The following TMEM222 variants were observed in gnomAD, a reference collection of about 807,000 sequenced individuals.
TMEM222 encodes the protein transmembrane protein 222, also known as chromosome 1 open reading frame 160.
TMEM222 carries 18 observed loss-of-function variants against 25.1 expected under a neutral mutation model. The ratio of observed to expected loss-of-function variants is 0.72; its 90% confidence interval spans 0.50 to 1.06. The LOEUF (loss-of-function observed/expected upper bound fraction) is 1.06, where lower values mean the gene tolerates loss of function less well. Ranked by LOEUF, TMEM222 falls within the 50% of genes least tolerant of loss-of-function variation. TMEM222 has a pLI of 0.00. For synonymous variants in TMEM222, 131 were observed against 117.9 expected (o/e 1.11, Z -0.72); for missense variants, 296 against 293.7 (o/e 1.01, Z -0.06).
In TMEM222 at chr1:27,335,552, C is replaced by G; in HGVS notation, c.*86C>G. On this transcript the variant is annotated 3_prime_UTR_variant, in exon 6 of 6. Transcript: ENST00000374076. ...GTTCCAGATTTTTTTCTCCTCACCC[C>G]AAAAGGCAGGGTTGGGCCTGCTGTT... 1 of 1,383,746 alleles carries G rather than the reference C, an allele frequency of 7.2e-7. No homozygotes were observed. The highest frequency in any genetic ancestry group is 1.0e-6 in the Non-Finnish European group (1 of 984,166). The allele number at this position is 1,383,746 out of a possible 1,614,324, so 85.7% of individuals were successfully genotyped here.
At chr1:27,326,815 G>A (rs192019939) in intron 1 of TMEM222, among the ~76,000 whole-genome samples, 259 of 152,114 alleles carry the variant, frequency 1.7e-3, no homozygotes, top group Non-Finnish European at 2.8e-3. Context: ...TATGTACTAG[G>A]TCCTGAATAG....
At chr1:27,327,765 C>G (rs1401050245) in intron 1 of TMEM222, among the ~76,000 whole-genome samples, 3 of 152,128 alleles carry the variant, frequency 2.0e-5, no homozygotes, top group Non-Finnish European at 4.4e-5. Flanking sequence ...TCAAGTGATC[C>G]TCCAGCTAAT....
At position 27,332,150 on chromosome 1, in the gene TMEM222, G is replaced by A. The variant is rs1310743157; in HGVS notation, c.311+49G>A. 4 of 1,611,736 alleles carry A rather than the reference G, an allele frequency of 2.5e-6. No homozygotes were observed. In the African/African-American group the frequency reaches 5.3e-5, roughly 22 times the overall value. On this transcript the variant is annotated intron_variant, in intron 3 of 5. Coordinates refer to ENST00000374076, the MANE Select transcript of TMEM222 (RefSeq NM_032125.3). ...CTGGCTCTAGAGGCAGGTCGCTCCT[G>A]CCGGGGCGGGCCAGGCCTTCTGGGG...
At chr1:27,329,665 GT>G (rs1196591293) in intron 1 of TMEM222, among the ~76,000 whole-genome samples, 1 of 152,114 alleles carries the variant, frequency 6.6e-6, no homozygotes, top group Non-Finnish European at 1.5e-5. Flanking sequence ...TTGAATTATA[GT>G]TTACATATAA....
At chr1:27,333,869 C>T (rs1184707444) in intron 3 of TMEM222, 89 bp from the exon 4 acceptor site, 6 of 1,218,700 alleles carry the variant, frequency 4.9e-6, no homozygotes, top group African/African-American at 1.5e-5. Flanking sequence ...CAGCTCAGGC[C>T]CGGGCACAGG....
At chr1:27,328,245 G>A (rs1176281211) in intron 1 of TMEM222, among the ~76,000 whole-genome samples, 6 of 152,156 alleles carry the variant, frequency 3.9e-5, no homozygotes, top group Non-Finnish European at 5.9e-5. Context: ...TGTTCCAGAC[G>A]GAGGAGAGGG....
At chr1:27,335,178 C>T (rs1018574324) in intron 5 of TMEM222, 37 of 604,196 alleles carry the variant, frequency 6.1e-5, no homozygotes, top group African/African-American at 3.0e-4. Flanking sequence ...AGCCCCTGCC[C>T]GGGACCATAG....
At chr1:27,333,643 A>G in intron 3 of TMEM222, 3 of 411,558 alleles carry the variant, frequency 7.3e-6, no homozygotes, top group Non-Finnish European at 1.4e-5. Flanking sequence ...CCATGGCCTA[A>G]TCACCTCCCA....
chr1:27,328,212 T>C (rs2014399587), intron 1 of TMEM222, among the ~76,000 whole-genome samples: 2 of 152,116 alleles, frequency 1.3e-5, no homozygotes, highest in South Asian at 4.1e-4. Flanking sequence ...AGGAGTCAGC[T>C]GTGCCATGCT....
At chr1:27,332,667 T>C in intron 3 of TMEM222, 1 of 630,240 alleles carries the variant, frequency 1.6e-6, no homozygotes, top group Non-Finnish European at 2.9e-6. Flanking sequence ...ATCAGTGTCC[T>C]CAGGTGACCT....
At chr1:27,323,659 G>C (rs1328653054) in intron 1 of TMEM222, among the ~76,000 whole-genome samples, 1 of 152,172 alleles carries the variant, frequency 6.6e-6, no homozygotes, top group Non-Finnish European at 1.5e-5. Flanking sequence ...TGTAATCCCA[G>C]CTACTCTGGA....
rs1044907610 is a variant in TMEM222 at position 27,336,294 on chromosome 1, C to T, written c.*828C>T. On this transcript the variant is annotated 3_prime_UTR_variant, in exon 6 of 6. Coordinates refer to ENST00000374076, the MANE Select transcript of TMEM222 (RefSeq NM_032125.3). ...CTGTCCCCCACCTAACTCCAGCTCC[C>T]CCTTCACGTTGTCACCAAGGCCCTG... is the stretch of plus-strand genomic sequence containing the variant. 1 of 152,398 alleles carries T rather than the reference C, an allele frequency of 6.6e-6. No individual in the cohort carries two copies. The highest frequency in any genetic ancestry group is 2.4e-5 in the African/African-American group (1 of 41,456). 9.4% of individuals were successfully genotyped at this position (152,398 alleles called of 1,614,324 possible). A position where few individuals can be genotyped will look rare whatever the true frequency, so the allele number is the denominator to read the frequency against.
At chr1:27,325,433 C>T in intron 1 of TMEM222, 2 of 1,204,618 alleles carry the variant, frequency 1.7e-6, no homozygotes, top group Non-Finnish European at 2.5e-6. Flanking sequence ...ACAAGCGGTT[C>T]CAGTGTCCGG....
intron 1 of TMEM222, among the ~76,000 whole-genome samples, chr1:27,323,549 G>T (rs1557520247): frequency 6.6e-6 from 1 of 152,216 alleles, no homozygotes; most frequent in Non-Finnish European, 1.5e-5. Flanking sequence ...GGAGGCAGTG[G>T]AGGGTGGATC....
intron 1 of TMEM222, among the ~76,000 whole-genome samples, chr1:27,329,917 C>T (rs1032290161): frequency 3.3e-5 from 5 of 151,638 alleles, no homozygotes; most frequent in Admixed American, 6.6e-5. Context: ...GCCTGGCCAA[C>T]GTGATGAAAC....
chr1:27,327,774 A>G (rs907910704), intron 1 of TMEM222, among the ~76,000 whole-genome samples: 2 of 151,390 alleles, frequency 1.3e-5, no homozygotes, highest in East Asian at 3.9e-4. Flanking sequence ...CCTCCAGCTA[A>G]TTTTTAGATT....
At position 27,336,183 on chromosome 1, in the gene TMEM222, C is replaced by G. The variant is rs1239188056; in HGVS notation, c.*717C>G. ...AGAGCAGTGTAGACAGCACTCAGCC[C>G]CAGCCCCAGGTGTGGACCTCATGCT... On this transcript the variant is annotated 3_prime_UTR_variant, in exon 6 of 6. Transcript: ENST00000374076. 5 of 152,430 alleles carry G rather than the reference C, an allele frequency of 3.3e-5. No homozygotes were observed. 9.4% of individuals were successfully genotyped at this position (152,430 alleles called of 1,614,324 possible). A position where few individuals can be genotyped will look rare whatever the true frequency, so the allele number is the denominator to read the frequency against.
Position 27,322,509 on chromosome 1 carries a change from C to T in TMEM222, c.194+118C>T, listed in dbSNP as rs993303344. 5.6e-5 allele frequency: 56 copies of T among 1,004,602 alleles called. No individual in the cohort carries two copies. In the Admixed American group the frequency reaches 1.2e-3, roughly 22 times the overall value. 62.2% of individuals were successfully genotyped at this position (1,004,602 alleles called of 1,614,324 possible). A position where few individuals can be genotyped will look rare whatever the true frequency, so the allele number is the denominator to read the frequency against. ...GCCTTTTCCTCGGGTCTGGCCCGCA[C>T]GCCTCGCCCAGTCACCAGAACCCCG... On this transcript the variant is annotated intron_variant, in intron 1 of 5. Coordinates refer to ENST00000374076, the MANE Select transcript of TMEM222 (RefSeq NM_032125.3).
chr1:27,331,490 G>T (rs2014477226), intron 2 of TMEM222, among the ~76,000 whole-genome samples: 1 of 152,200 alleles, frequency 6.6e-6, no homozygotes, highest in African/African-American at 2.4e-5. Flanking sequence ...TCTGTCAGCA[G>T]GGTCTCCCTG....
Sources: allele counts gnomAD v4.1 joint callset (sites outside exome capture counted in the v4.1 genomes callset), GRCh38; gene constraint gnomAD v4.1.1; transcripts MANE v1.5; gene names NCBI Gene and HGNC (gene_info 2026-07-23, HGNC 2026-07-21).